Variants in PKP4 observed in about 807,000 individuals in gnomAD.
The protein encoded by PKP4 is plakophilin 4, also known as plakophilin-4.
PKP4 carries 90 observed loss-of-function variants against 145.1 expected under a neutral mutation model. The observed-to-expected ratio is 0.62, with a 90% CI of 0.52 to 0.74. The LOEUF (loss-of-function observed/expected upper bound fraction) is 0.74. PKP4 is among the 30% of genes least tolerant of loss of function. The pLI, the probability that PKP4 is intolerant of heterozygous loss-of-function variation, is 0.00. For missense variants in PKP4, 1,340 were observed against 1,482.7 expected (o/e 0.90, Z 1.58); for synonymous variants, 563 against 577.2 (o/e 0.98, Z 0.35).
At chr2:158,482,842 A>AG (rs1000110948) in intron 1 of PKP4, among the ~76,000 whole-genome samples, 2 of 150,750 alleles carry the variant, frequency 1.3e-5, no homozygotes, top group East Asian at 1.9e-4. Flanking sequence ...AAAAAAAAAG[A>AG]GGGGGGAAGG....
chr2:158,578,039 C>T (rs78911640), intron 3 of PKP4: 4,282 of 164,226 alleles, frequency 0.026, 152 homozygotes, highest in East Asian at 0.13. Context: ...TTACATATTT[C>T]TGTAAAGCCT....
At chr2:158,590,405 TAGCC>T (rs1219488827) in intron 3 of PKP4, among the ~76,000 whole-genome samples, 1 of 147,004 alleles carries the variant, frequency 6.8e-6, no homozygotes, top group Non-Finnish European at 1.5e-5. Context: ...AGAAAAATAA[TAGCC>T]AGTTATTTTA....
intron 4 of PKP4, among the ~76,000 whole-genome samples, chr2:158,619,497 T>C (rs992117743): frequency 5.3e-5 from 8 of 152,226 alleles, no homozygotes; most frequent in African/African-American, 1.7e-4. Context: ...TGACATCAAG[T>C]TAAAGGTTTA....
chr2:158,501,763 C>A (rs1310753063), intron 1 of PKP4, among the ~76,000 whole-genome samples: 1 of 152,238 alleles, frequency 6.6e-6, no homozygotes. Context: ...TATTGTGTGC[C>A]TATTTTGATT....
chr2:158,571,933 A>G (rs1185841783), intron 2 of PKP4, among the ~76,000 whole-genome samples: 1 of 152,218 alleles, frequency 6.6e-6, no homozygotes, highest in Non-Finnish European at 1.5e-5. Flanking sequence ...AGCCAGAAGG[A>G]AGATGGTATC....
At chr2:158,534,473 C>T (rs2043858830) in intron 2 of PKP4, among the ~76,000 whole-genome samples, 1 of 151,988 alleles carries the variant, frequency 6.6e-6, no homozygotes, top group Admixed American at 6.6e-5. Flanking sequence ...TTTCATCTTC[C>T]ACCAAACTAT....
intron 6 of PKP4, among the ~76,000 whole-genome samples, chr2:158,622,221 T>C (rs2052331696): frequency 6.6e-6 from 1 of 152,236 alleles, no homozygotes; most frequent in Non-Finnish European, 1.5e-5. Context: ...TTTTACTAGA[T>C]AGAATACAGC....
chr2:158,570,780 A>C (rs2047353621), intron 2 of PKP4, among the ~76,000 whole-genome samples: 1 of 152,198 alleles, frequency 6.6e-6, no homozygotes, highest in South Asian at 2.1e-4. Context: ...CCAGGATTTC[A>C]ATGACTTCAA....
intron 2 of PKP4, among the ~76,000 whole-genome samples, chr2:158,557,221 A>G (rs993622238): frequency 5.3e-5 from 8 of 152,180 alleles, no homozygotes; most frequent in Admixed American, 1.3e-4. Context: ...CTTAGTATAT[A>G]CTATGTGGCT....
intron 3 of PKP4, among the ~76,000 whole-genome samples, chr2:158,589,995 G>A (rs1487868466): frequency 6.6e-6 from 1 of 152,130 alleles, no homozygotes; most frequent in Non-Finnish European, 1.5e-5. Context: ...AGGGATGGGG[G>A]TGGGGGACAA....
intron 1 of PKP4, among the ~76,000 whole-genome samples, chr2:158,509,574 G>A (rs970635495): frequency 6.6e-6 from 1 of 152,096 alleles, no homozygotes; most frequent in African/African-American, 2.4e-5. Context: ...TAGATTATTG[G>A]TGGAATTATA....
intron 4 of PKP4, among the ~76,000 whole-genome samples, chr2:158,609,978 T>C (rs1221538993): frequency 2.0e-5 from 3 of 152,210 alleles, no homozygotes; most frequent in Non-Finnish European, 2.9e-5. Context: ...ACATTTTTAT[T>C]TTCTCAGGTC....
chr2:158,571,461 G>A (rs772455252), intron 2 of PKP4, among the ~76,000 whole-genome samples: 5 of 152,190 alleles, frequency 3.3e-5, no homozygotes, highest in African/African-American at 4.8e-5. Context: ...GGAGCCAGGA[G>A]CACACCATCT....
At position 158,555,875 on chromosome 2, in the gene PKP4, A is replaced by C. The variant is rs373699031; in HGVS notation, c.133-21396A>C. On this transcript the variant is annotated intron_variant, in intron 2 of 21. Transcript: ENST00000389759. ...CCATCCCAGCTGAGTTAATAGGCCAAGTCCAAGTATAATCTACTCTGAGAC... is the reference window on the plus strand; with the variant it reads ...CCATCCCAGCTGAGTTAATAGGCCACGTCCAAGTATAATCTACTCTGAGAC... 1.4e-4 allele frequency among the ~76,000 whole-genome samples: 21 copies of C among 152,326 alleles called. 2 individuals are homozygous for C. The highest frequency in any genetic ancestry group is 1.2e-3 in the South Asian group (6 of 4,832).
At chr2:158,496,790 G>GTGTCTGTGTCTGTGTC (rs1553545781) in intron 1 of PKP4, among the ~76,000 whole-genome samples, 8 of 149,954 alleles carry the variant, frequency 5.3e-5, no homozygotes, top group Non-Finnish European at 1.2e-4. Context: ...GTGTGTGTGT[G>GTGTCTGTGTCTGTGTC]TGTGTCTGTG....
chr2:158,639,791 T>G (rs2054123084), intron 9 of PKP4, among the ~76,000 whole-genome samples: 1 of 152,190 alleles, frequency 6.6e-6, no homozygotes, highest in South Asian at 2.1e-4. Context: ...TAGCATAGTG[T>G]TGGAGGGCAC....
At chr2:158,467,156 C>T (rs2105389694) in intron 1 of PKP4, among the ~76,000 whole-genome samples, 1 of 152,202 alleles carries the variant, frequency 6.6e-6, no homozygotes, top group African/African-American at 2.4e-5. Context: ...TTGGTTGTCC[C>T]TTTCCCAACC....
At chr2:158,468,121 TG>T (rs1164812691) in intron 1 of PKP4, among the ~76,000 whole-genome samples, 2 of 152,234 alleles carry the variant, frequency 1.3e-5, no homozygotes, top group Non-Finnish European at 2.9e-5. Context: ...TACTTTTCTC[TG>T]GGGGAAATGC....
At chr2:158,460,327 T>C (rs7597185) in intron 1 of PKP4, among the ~76,000 whole-genome samples, 138,376 of 152,268 alleles carry the variant, frequency 0.91, 62,965 homozygotes, top group East Asian at 0.98. Context: ...AATTTTAGCA[T>C]TTCTATGACC....
Sources: gnomAD v4.1 joint callset for allele counts (sites outside exome capture counted in the v4.1 genomes callset) on GRCh38, gnomAD v4.1.1 for gene constraint, MANE v1.5 for transcripts, NCBI Gene and HGNC (gene_info 2026-07-23, HGNC 2026-07-21) for gene names.